The following FAT2 variants were observed in gnomAD, a reference collection of about 807,000 sequenced individuals.
FAT2 encodes FAT atypical cadherin 2.
A neutral mutation model predicts 295.3 loss-of-function variants in FAT2; 150 were observed. The ratio of observed to expected loss-of-function variants is 0.51; its 90% CI spans 0.44 to 0.58. The LOEUF is 0.58. Ranked by LOEUF, FAT2 falls within the 20% of genes least tolerant of loss-of-function variation. The pLI, the probability that FAT2 is intolerant of heterozygous loss-of-function variation, is 0.00. For synonymous variants in FAT2, 2,026 were observed against 2,150.3 expected (o/e 0.94, Z 1.60); for missense variants, 4,868 against 5,442.7 (o/e 0.89, Z 3.32).
intron 18 of FAT2, among the ~76,000 whole-genome samples, chr5:151,522,371 C>T (rs1161852476): frequency 6.6e-6 from 1 of 152,222 alleles, no homozygotes; most frequent in Non-Finnish European, 1.5e-5. Context: ...GAGCCTCTTC[C>T]TAAATCTCTC....
At chr5:151,535,095 CTA>C (rs1385379692) in intron 12 of FAT2, among the ~76,000 whole-genome samples, 3 of 150,682 alleles carry the variant, frequency 2.0e-5, no homozygotes, top group Non-Finnish European at 4.4e-5. Flanking sequence ...TGAAATCATC[CTA>C]TATGTCTTTC....
At chr5:151,556,764 A>AGT (rs1757729780) in intron 3 of FAT2, among the ~76,000 whole-genome samples, 1 of 152,202 alleles carries the variant, frequency 6.6e-6, no homozygotes, top group Non-Finnish European at 1.5e-5. Flanking sequence ...GGCTAATGCA[A>AGT]GTGTTCTGAG....
At chr5:151,537,185 A>AAG (rs980415448) in intron 12 of FAT2, among the ~76,000 whole-genome samples, 62 of 151,644 alleles carry the variant, frequency 4.1e-4, no homozygotes, top group African/African-American at 1.4e-3. Flanking sequence ...AGAAAGAAAG[A>AAG]AGAGAGAGAG....
chr5:151,527,233 C>G lies in FAT2; in HGVS notation c.10308+1G>C. On this transcript the variant is annotated splice_donor_variant, in intron 17 of 23. Transcript: ENST00000261800. LOFTEE classifies it high-confidence loss of function. ...AGGGTGCCTTGGAGGCTCAAGCTTA[C>G]CTGGACAGTGGTGCTGTAGTTGAGC... 1 of 1,604,962 alleles carries G rather than the reference C, an allele frequency of 6.2e-7. No homozygotes were observed. The highest frequency in any genetic ancestry group is 8.5e-7 in the Non-Finnish European group (1 of 1,175,110).
rs1469680 is a variant in FAT2 at position 151,568,976 on chromosome 5, T to C, written c.-20-25A>G. ...CCTGGGCAGAAAATAAAAGACAGGG[T>C]GCAAGTTAGGGGGAAAAAATGGTTT... On this transcript the variant is annotated intron_variant, in intron 1 of 23. Transcript: ENST00000261800. The C allele has an allele frequency of 0.92, 1,415,822 of 1,543,676 alleles. 651,755 individuals carry two copies. The highest frequency in any genetic ancestry group is 0.93 in the Non-Finnish European group (1,072,417 of 1,149,008).
intron 3 of FAT2, among the ~76,000 whole-genome samples, chr5:151,558,623 C>G (rs1428989197): frequency 6.6e-6 from 1 of 151,574 alleles, no homozygotes; most frequent in Non-Finnish European, 1.5e-5. Flanking sequence ...AAAAAAAAAG[C>G]AGCTTGTCAG....
intron 21 of FAT2, chr5:151,511,502 T>C (rs1383902485): frequency 6.6e-6 from 1 of 152,370 alleles, no homozygotes; most frequent in Non-Finnish European, 1.5e-5. Context: ...AAGGAAACTC[T>C]CACACAGCTT....
Position 151,551,617 on chromosome 5 carries a change from A to T in FAT2, c.4157-11T>A. ...TGTCCTTATCCCCACCTAGAGTGGG[A>T]GTGGGGAGAAAGCACACACAACCTC... is the stretch of plus-strand genomic sequence containing the variant. On this transcript the variant is annotated splice_polypyrimidine_tract_variant and intron_variant, in intron 6 of 23. Coordinates refer to ENST00000261800, the MANE Select transcript of FAT2 (RefSeq NM_001447.3). 1 of 1,613,728 alleles carries T rather than the reference A, an allele frequency of 6.2e-7. No individual in the cohort carries two copies.
In FAT2 at chr5:151,543,016, A is replaced by C. The variant is rs202059952; in HGVS notation, c.8111T>G (p.Leu2704Arg). 455 of 1,614,108 alleles carry C rather than the reference A, an allele frequency of 2.8e-4. No individual in the cohort carries two copies. Among genetic ancestry groups the C allele is most frequent in the Non-Finnish European group, 3.6e-4 (423 of 1,180,042 alleles). Residue 2704 changes from leucine (L) to arginine (R), a missense_variant, in exon 10 of 24, where the codon CTT becomes CGT. By Grantham distance (102) the Leu-to-Arg change is moderately radical. This residue lies in a region of FAT2 where 3,297 missense variants were observed against 3,669.4 expected (regional missense o/e 0.90). Transcript: ENST00000261800. ...AATCCCAATTTCAGACCCCTCTGGA[A>C]GGTCTTCAGGTGCAGAGAAAGTATA... The part of the protein sequence containing the change: ...PLYTFSAPED[L>R]PEGSEIGIVK...
chr5:151,563,664 CA>C, intron 2 of FAT2, 25 bp from the exon 3 acceptor site: 1 of 1,602,086 alleles, frequency 6.2e-7, no homozygotes, highest in Non-Finnish European at 8.5e-7. Flanking sequence ...TCAGCAAACC[CA>C]AAATACTTTA....
In FAT2 at chr5:151,534,402, G is replaced by A. The variant is rs888473964; in HGVS notation, c.9427+7C>T. 8 of 1,599,276 alleles carry A rather than the reference G, an allele frequency of 5.0e-6. No individual in the cohort carries two copies. Among genetic ancestry groups the A allele is most frequent in the Non-Finnish European group, 6.8e-6 (8 of 1,170,310 alleles). On this transcript the variant is annotated splice_region_variant and intron_variant, in intron 13 of 23. Coordinates refer to ENST00000261800, the MANE Select transcript of FAT2 (RefSeq NM_001447.3). Reference sequence around the variant, plus strand: ...TTGGAAATGGCCTCAATCCTTCTCAGACTCACCTTGGTCGGGATCCCGGGC... The same window carrying A: ...TTGGAAATGGCCTCAATCCTTCTCAAACTCACCTTGGTCGGGATCCCGGGC...
At chr5:151,507,122 C>T (rs1265109641) in intron 23 of FAT2, 32 bp downstream of exon 23, 1 of 1,510,846 alleles carries the variant, frequency 6.6e-7, no homozygotes, top group Non-Finnish European at 8.9e-7. Flanking sequence ...TTCCATCAAT[C>T]CCAGAGGCTA....
chr5:151,566,570 G>T lies in FAT2; in HGVS notation c.2362C>A (p.Leu788Ile). The T allele has an allele frequency of 5.6e-6, 9 of 1,614,108 alleles. No individual in the cohort carries two copies. Among genetic ancestry groups the T allele is most frequent in the Non-Finnish European group, 7.6e-6 (9 of 1,179,984 alleles). The change falls in exon 2 of 24, where the codon CTC becomes ATC. Residue 788 changes from leucine (L) to isoleucine (I), a missense_variant. By Grantham distance (5) the Leu-to-Ile change is conservative. Coordinates refer to ENST00000261800, the MANE Select transcript of FAT2 (RefSeq NM_001447.3). ...CCCAGGTCATATACTGTTACATTGA[G>T]GATGTAGAAATTGGTGGCTTCATAG... ...LDYEATNFYI[L>I]NVTVYDLGTP...
chr5:151,563,688 G>T, intron 2 of FAT2, 49 bp from the exon 3 acceptor site: 1 of 1,534,248 alleles, frequency 6.5e-7, no homozygotes, highest in Non-Finnish European at 8.9e-7. Context: ...GCTCAAAGTG[G>T]CTTTAGAAAT....
chr5:151,504,204 GCTCT>G lies in FAT2; in HGVS notation c.*1357_*1360del, dbSNP rs1314224291. On this transcript the variant is annotated 3_prime_UTR_variant, in exon 24 of 24. Transcript: ENST00000261800. ...AGCCACAAACCACTCACACAAATTGGCTCTCGCCCACACATCTCCCTCTCGCATG... is the reference window on the plus strand; with the variant it reads ...AGCCACAAACCACTCACACAAATTGGCGCCCACACATCTCCCTCTCGCATG... 1 of 152,662 alleles carries G rather than the reference GCTCT, an allele frequency of 6.6e-6. No individual in the cohort carries two copies. Among genetic ancestry groups the G allele is most frequent in the Non-Finnish European group, 1.5e-5 (1 of 68,034 alleles). The allele number at this position is 152,662 out of a possible 1,614,324, so 9.5% of individuals were successfully genotyped here.
rs753183217 is a variant in FAT2 at position 151,527,332 on chromosome 5, G to A, written c.10210C>T (p.Pro3404Ser). Residue 3404 changes from proline to serine, a missense_variant, in exon 17 of 24, where the codon CCT becomes TCT. By Grantham distance (74) the Pro-to-Ser change is moderately conservative (BLOSUM62 -1). Coordinates refer to ENST00000261800, the MANE Select transcript of FAT2 (RefSeq NM_001447.3). ...LKLRATDSGQ[P>S]PLHEDTDIAI... Reference sequence around the variant, plus strand: ...ATGTCTGTGTCCTCATGCAGTGGAGGCTGCCCACTGTCTGTGGCTCGGAGC... The same window carrying A: ...ATGTCTGTGTCCTCATGCAGTGGAGACTGCCCACTGTCTGTGGCTCGGAGC... The A allele has an allele frequency of 2.5e-6, 4 of 1,613,168 alleles. No individual in the cohort carries two copies. Among genetic ancestry groups the A allele is most frequent in the Admixed American group, 1.7e-5 (1 of 59,926 alleles).
At chr5:151,524,234 A>G (rs1015869725) in intron 18 of FAT2, among the ~76,000 whole-genome samples, 1 of 152,196 alleles carries the variant, frequency 6.6e-6, no homozygotes, top group Non-Finnish European at 1.5e-5. Flanking sequence ...TATACTTAGA[A>G]GATTGGATGC....
intron 7 of FAT2, among the ~76,000 whole-genome samples, 162 bp downstream of exon 7, chr5:151,551,305 C>T (rs1397314389): frequency 3.3e-5 from 5 of 152,142 alleles, no homozygotes; most frequent in African/African-American, 9.7e-5. Context: ...AGAATTCTCC[C>T]AGGATCACAG....
At chr5:151,550,441 G>A (rs750879735) in intron 8 of FAT2, 149 bp downstream of exon 8, 195 of 851,448 alleles carry the variant, frequency 2.3e-4, no homozygotes, top group Non-Finnish European at 3.3e-4. Context: ...CTTATGGAAG[G>A]TGCCCTTAGC....
Sources: allele counts gnomAD v4.1 joint callset (sites outside exome capture counted in the v4.1 genomes callset), GRCh38; gene constraint gnomAD v4.1.1; regional missense constraint gnomAD v4.1.1; transcripts MANE v1.5; gene names NCBI Gene and HGNC (gene_info 2026-07-23, HGNC 2026-07-21).